The following SGMS1 variants were observed in gnomAD, a reference collection of about 807,000 sequenced individuals.
The protein encoded by SGMS1 is sphingomyelin synthase 1.
SGMS1 carries 13 observed loss-of-function variants against 46.2 expected under a neutral mutation model. The observed-to-expected ratio is 0.28, with a 90% CI of 0.18 to 0.45. The LOEUF is 0.45. SGMS1 is among the 20% of genes least tolerant of loss of function. The pLI is 1.00. For missense variants in SGMS1, 324 were observed against 519.9 expected, an observed-to-expected ratio of 0.62 and a Z score of 3.66; for synonymous variants, 203 against 187.8, an observed-to-expected ratio of 1.08 and a Z score of -0.66.
intron 8 of SGMS1, among the ~76,000 whole-genome samples, chr10:50,312,359 T>C (rs1260763512): frequency 7.0e-6 from 1 of 142,600 alleles, no homozygotes; most frequent in Admixed American, 6.9e-5. Context: ...AAAAAAAGAA[T>C]GGCAGATGGA....
chr10:50,403,106 A>C (rs1848964042), intron 6 of SGMS1, among the ~76,000 whole-genome samples: 1 of 152,226 alleles, frequency 6.6e-6, no homozygotes, highest in Non-Finnish European at 1.5e-5. Flanking sequence ...TCTTTGAATA[A>C]ATTTAGACAG....
At chr10:50,312,828 C>T (rs766268296) in intron 8 of SGMS1, among the ~76,000 whole-genome samples, 3 of 152,116 alleles carry the variant, frequency 2.0e-5, no homozygotes, top group Non-Finnish European at 2.9e-5. Context: ...GGACTCACTA[C>T]GATGCCAAAA....
intron 1 of SGMS1, among the ~76,000 whole-genome samples, chr10:50,610,056 A>G (rs1407604580): frequency 6.6e-6 from 1 of 152,166 alleles, no homozygotes; most frequent in Non-Finnish European, 1.5e-5. Flanking sequence ...AGTGGAAGAC[A>G]GAAACACATT....
intron 1 of SGMS1, among the ~76,000 whole-genome samples, chr10:50,604,469 G>A (rs1275357339): frequency 1.3e-5 from 2 of 152,306 alleles, no homozygotes; most frequent in Middle Eastern, 3.4e-3. Flanking sequence ...TTGCCTAGAC[G>A]TCTGATACAG....
chr10:50,386,921 A>T (rs1240937059), intron 6 of SGMS1, among the ~76,000 whole-genome samples: 3 of 152,278 alleles, frequency 2.0e-5, no homozygotes, highest in East Asian at 3.9e-4. Flanking sequence ...ATTCTACAAA[A>T]AGGGATAAAT....
Position 50,308,139 on chromosome 10 carries a change from C to T in SGMS1, c.905G>A (p.Arg302Gln), listed in dbSNP as rs147939399. 3.0e-5 allele frequency: 48 copies of T among 1,612,842 alleles called. 1 individual carries two copies. Among genetic ancestry groups the T allele is most frequent in the South Asian group, 2.9e-4 (26 of 90,896 alleles). Residue 302 changes from arginine to glutamine, a missense_variant, in exon 10 of 11, where the codon CGG (arginine) becomes CAG (glutamine). Transcript: ENST00000361781. ...AATCCAGTGATACCACCAGAGTCGC[C>T]GAGGGGAATCTGAAAGGGGGAGAGA... ...TYLFIKEYSP[R>Q]RLWWYHWICW...
chr10:50,549,040 A>C (rs1235140055), intron 2 of SGMS1, among the ~76,000 whole-genome samples: 1 of 152,204 alleles, frequency 6.6e-6, no homozygotes, highest in Non-Finnish European at 1.5e-5. Context: ...AAAGTCAAAA[A>C]ACAACAGATC....
At position 50,381,009 on chromosome 10, in the gene SGMS1, T is replaced by TC. The variant is rs200548191; in HGVS notation, c.-231-36665_-231-36664insG. 1.5e-3 allele frequency among the ~76,000 whole-genome samples: 217 copies of TC among 149,644 alleles called. 1 individual carries two copies. In the East Asian group the frequency reaches 0.018, roughly 12 times the overall value. ...CCACACCTGGCTTTTTTTTTTTTTT[T>TC]TCCCAGAGATGGGATCTCACTGTTA... On this transcript the variant is annotated intron_variant, in intron 6 of 10. Transcript: ENST00000361781.
At chr10:50,496,921 T>C (rs1440979029) in intron 3 of SGMS1, among the ~76,000 whole-genome samples, 1 of 152,214 alleles carries the variant, frequency 6.6e-6, no homozygotes, top group Admixed American at 6.5e-5. Context: ...TCAACTAATG[T>C]CACTACCAAC....
At chr10:50,533,676 C>T (rs1564425939) in intron 2 of SGMS1, among the ~76,000 whole-genome samples, 3 of 151,618 alleles carry the variant, frequency 2.0e-5, no homozygotes, top group Non-Finnish European at 4.4e-5. Context: ...TAATTATGTT[C>T]AGGAAATAAT....
intron 2 of SGMS1, among the ~76,000 whole-genome samples, chr10:50,587,538 C>T (rs559958411): frequency 3.3e-5 from 5 of 152,056 alleles, no homozygotes; most frequent in East Asian, 1.9e-4. Flanking sequence ...GAGGAAGAAT[C>T]GCTTGAACCC....
intron 2 of SGMS1, among the ~76,000 whole-genome samples, chr10:50,539,426 A>G (rs898285933): frequency 1.3e-5 from 2 of 152,242 alleles, no homozygotes; most frequent in African/African-American, 2.4e-5. Flanking sequence ...GATAACATCT[A>G]TATGCTCAGG....
chr10:50,368,490 G>A (rs1173047523), intron 6 of SGMS1, among the ~76,000 whole-genome samples: 1 of 152,176 alleles, frequency 6.6e-6, no homozygotes, highest in African/African-American at 2.4e-5. Flanking sequence ...CCGAGTAGCT[G>A]GGATTACTGG....
intron 3 of SGMS1, among the ~76,000 whole-genome samples, chr10:50,490,309 G>T (rs899392015): frequency 7.9e-5 from 12 of 152,180 alleles, no homozygotes; most frequent in African/African-American, 2.2e-4. Flanking sequence ...ATTGCCATGA[G>T]AGGTGATATA....
chr10:50,359,703 A>G (rs1367038712), intron 6 of SGMS1, among the ~76,000 whole-genome samples: 1 of 152,060 alleles, frequency 6.6e-6, no homozygotes, highest in East Asian at 1.9e-4. Flanking sequence ...AAACTAGAAA[A>G]AGAATCTAAA....
At chr10:50,553,240 A>G (rs553497482) in intron 2 of SGMS1, among the ~76,000 whole-genome samples, 2 of 152,096 alleles carry the variant, frequency 1.3e-5, no homozygotes, top group Admixed American at 1.3e-4. Context: ...AGTGGTTAAC[A>G]CTCTGGACCT....
intron 7 of SGMS1, chr10:50,342,214 A>T (rs773992144): frequency 3.3e-5 from 5 of 152,230 alleles, no homozygotes; most frequent in African/African-American, 4.8e-5. Context: ...AAAATAATGC[A>T]TTTAATAAAC....
chr10:50,326,141 T>C (rs2133311440), intron 8 of SGMS1, among the ~76,000 whole-genome samples: 1 of 151,592 alleles, frequency 6.6e-6, no homozygotes, highest in East Asian at 1.9e-4. Flanking sequence ...GGAAGTAGTG[T>C]GTAGCAAAAA....
chr10:50,465,161 A>G (rs1419338768), intron 4 of SGMS1, among the ~76,000 whole-genome samples: 1 of 152,218 alleles, frequency 6.6e-6, no homozygotes, highest in Non-Finnish European at 1.5e-5. Flanking sequence ...AAAAATCTGC[A>G]GATTTTGATA....
Sources: gnomAD v4.1 joint callset for allele counts (sites outside exome capture counted in the v4.1 genomes callset) on GRCh38, gnomAD v4.1.1 for gene constraint, MANE v1.5 for transcripts, NCBI Gene and HGNC (gene_info 2026-07-23, HGNC 2026-07-21) for gene names.